Variants in TOMM70 observed in about 807,000 individuals in gnomAD.
TOMM70 encodes mitochondrial import receptor subunit TOM70.
Under a neutral mutation model 73.6 loss-of-function variants are expected in TOMM70, and 13 were observed. The ratio of observed to expected loss-of-function variants is 0.18; its 90% confidence interval spans 0.11 to 0.28. TOMM70 has a LOEUF of 0.28. TOMM70 is among the 10% of genes least tolerant of loss of function. TOMM70 has a pLI of 1.00. For missense variants in TOMM70, 609 were observed against 747.5 expected, an observed-to-expected ratio of 0.81 and a Z score of 2.16; for synonymous variants, 257 against 271.2, an observed-to-expected ratio of 0.95 and a Z score of 0.51.
rs1397987428 is a variant in TOMM70 at position 100,368,139 on chromosome 3, A to T, written c.1578T>A (p.Asp526Glu). 2 of 1,612,150 alleles carry T rather than the reference A, an allele frequency of 1.2e-6. No homozygotes were observed. Among genetic ancestry groups the T allele is most frequent in the Non-Finnish European group, 1.7e-6 (2 of 1,179,506 alleles). The change falls in exon 11 of 12, where the codon GAT becomes GAA. Residue 526 changes from aspartate (D) to glutamate (E), a missense_variant. Around this residue, in one of 2 missense-constraint regions of TOMM70, gnomAD observed 432 missense variants for 584.1 expected, o/e 0.74. Transcript: ENST00000284320. ...TGATAAGTTCCAAACCTCTATCCAG[A>T]TCTTGCTTCCACTGAAGTTGAAGTA... ...KGLLQLQWKQ[D>E]LDRGLELISK...
At chr3:100,368,333 T>C (rs1402262324) in intron 10 of TOMM70, among the ~76,000 whole-genome samples, 167 bp from the exon 11 acceptor site, 1 of 152,178 alleles carries the variant, frequency 6.6e-6, no homozygotes, top group Non-Finnish European at 1.5e-5. Flanking sequence ...TCAGCTTATA[T>C]TGGTTTGCTA....
At position 100,377,812 on chromosome 3, in the gene TOMM70, C is replaced by T; in HGVS notation, c.985G>A (p.Ala329Thr). 3 of 1,614,220 alleles carry T rather than the reference C, an allele frequency of 1.9e-6. No individual in the cohort carries two copies. The highest frequency in any genetic ancestry group is 2.5e-6 in the Non-Finnish European group (3 of 1,180,040). Residue 329 changes from alanine to threonine, a missense_variant, in exon 6 of 12, where the codon GCA becomes ACA. Physicochemically the swap from Ala to Thr is moderately conservative, Grantham distance 58. This residue lies in a region of TOMM70 where 432 missense variants were observed against 584.1 expected (regional missense o/e 0.74). Coordinates refer to ENST00000284320, the MANE Select transcript of TOMM70 (RefSeq NM_014820.5). ...GTAGCTCGTAGTAGCAATGCTTCTGCCATGTATTTGCCTTCAGCATCTATT... is the reference window on the plus strand; with the variant it reads ...GTAGCTCGTAGTAGCAATGCTTCTGTCATGTATTTGCCTTCAGCATCTATT... The part of the protein sequence containing the change: ...KEIDAEGKYM[A>T]EALLLRATFY...
Position 100,374,979 on chromosome 3 carries a change from A to G in TOMM70, c.1227+39T>C, listed in dbSNP as rs1706546490. On this transcript the variant is annotated intron_variant, in intron 7 of 11. Transcript: ENST00000284320. ...TTCTCAAAAATGGTATCAAAGCTCAATCCACAAGTCAGACCTCTAGGTAAG... is the reference window on the plus strand; with the variant it reads ...TTCTCAAAAATGGTATCAAAGCTCAGTCCACAAGTCAGACCTCTAGGTAAG... The G allele has an allele frequency of 3.3e-6, 5 of 1,504,452 alleles. No homozygotes were observed. In the East Asian group the frequency reaches 9.7e-5, roughly 29 times the overall value. The allele number at this position is 1,504,452 out of a possible 1,614,324, so 93.2% of individuals were successfully genotyped here. A position where few individuals can be genotyped will look rare whatever the true frequency, so the allele number is the denominator to read the frequency against.
At chr3:100,390,331 A>T (rs1468249534) in intron 1 of TOMM70, among the ~76,000 whole-genome samples, 2 of 152,230 alleles carry the variant, frequency 1.3e-5, no homozygotes, top group Non-Finnish European at 2.9e-5. Context: ...AAATCCCATT[A>T]TGAAAATGTA....
intron 1 of TOMM70, among the ~76,000 whole-genome samples, chr3:100,388,846 T>C (rs1426915818): frequency 6.6e-6 from 1 of 152,104 alleles, no homozygotes; most frequent in Non-Finnish European, 1.5e-5. Flanking sequence ...ATTCAGCAGA[T>C]TGGCTGTATA....
rs1337010849 is a variant in TOMM70, at chr3:100,363,673, A to C, written c.*1891T>G. 1 of 152,662 alleles carries C rather than the reference A, an allele frequency of 6.6e-6. No individual in the cohort carries two copies. The highest frequency in any genetic ancestry group is 2.4e-5 in the African/African-American group (1 of 41,466). 9.5% of individuals were successfully genotyped at this position (152,662 alleles called of 1,614,324 possible). ...AGATGAAAGAAGGGAGAAGAGTAGA[A>C]GAAAATGTCAGTGTTAATGTAAATA... is the stretch of plus-strand genomic sequence containing the variant. On this transcript the variant is annotated 3_prime_UTR_variant, in exon 12 of 12. Transcript: ENST00000284320.
intron 5 of TOMM70, among the ~76,000 whole-genome samples, chr3:100,380,541 T>G (rs975375934): frequency 6.6e-6 from 1 of 152,174 alleles, no homozygotes; most frequent in Non-Finnish European, 1.5e-5. Flanking sequence ...ATTTAAAACT[T>G]GGGTCCAATT....
In TOMM70 at chr3:100,377,735, T is replaced by A. The variant is rs1706581625; in HGVS notation, c.1062A>T (p.Lys354Asn). The A allele has an allele frequency of 1.2e-6, 2 of 1,613,802 alleles. No homozygotes were observed. The highest frequency in any genetic ancestry group is 1.7e-6 in the Non-Finnish European group (2 of 1,179,718). Residue 354 changes from lysine to asparagine, a missense_variant, in exon 6 of 12, where the codon AAA (lysine) becomes AAT (asparagine). Coordinates refer to ENST00000284320, the MANE Select transcript of TOMM70 (RefSeq NM_014820.5). ...CATTAGCTTCTTTCAAACTGATGACTTTATCTAAATCTGGTTTGGCTGCAT... is the reference window on the plus strand; with the variant it reads ...CATTAGCTTCTTTCAAACTGATGACATTATCTAAATCTGGTTTGGCTGCAT... ...NANAAKPDLD[K>N]VISLKEANVK...
chr3:100,397,830 A>G (rs543587041), intron 1 of TOMM70, among the ~76,000 whole-genome samples: 4 of 152,096 alleles, frequency 2.6e-5, no homozygotes, highest in Non-Finnish European at 5.9e-5. Context: ...CAGAGGTTGC[A>G]GTGAGCCGAG....
chr3:100,375,287 T>C (rs1706550030), intron 6 of TOMM70, 135 bp from the exon 7 acceptor site: 1 of 1,086,414 alleles, frequency 9.2e-7, no homozygotes, highest in Non-Finnish European at 1.3e-6. Flanking sequence ...TCACCTGTTT[T>C]TAGTGTATTC....
intron 9 of TOMM70, among the ~76,000 whole-genome samples, chr3:100,369,498 A>T (rs1227662281): frequency 2.9e-5 from 4 of 137,718 alleles, no homozygotes; most frequent in South Asian, 2.3e-4. Context: ...GCCCAAGGGA[A>T]TTTTTTTTTT....
At chr3:100,375,888 C>A (rs1235182384) in intron 6 of TOMM70, among the ~76,000 whole-genome samples, 2 of 152,012 alleles carry the variant, frequency 1.3e-5, no homozygotes, top group African/African-American at 4.8e-5. Context: ...GGGTATATAC[C>A]TAGGAGTGGA....
At chr3:100,395,061 T>A (rs773404580) in intron 1 of TOMM70, among the ~76,000 whole-genome samples, 2 of 152,184 alleles carry the variant, frequency 1.3e-5, no homozygotes, top group Non-Finnish European at 2.9e-5. Context: ...TTACAAAAAG[T>A]ATGCCCAAAT....
rs138986347 is a variant in TOMM70 at position 100,398,938 on chromosome 3, T to C, written c.324+1688A>G. 2.3e-3 allele frequency among the ~76,000 whole-genome samples: 357 copies of C among 152,320 alleles called. 3 individuals carry two copies. Among genetic ancestry groups the C allele is most frequent in the African/African-American group, 8.2e-3 (343 of 41,576 alleles). On this transcript the variant is annotated intron_variant, in intron 1 of 11. Coordinates refer to ENST00000284320, the MANE Select transcript of TOMM70 (RefSeq NM_014820.5). The stretch of plus-strand genomic sequence containing the variant: ...GCCTCACACACTGCAGATACTAGTT[T>C]GTTCATTCCTACACCAAAACTTCCT...
At chr3:100,393,910 C>A (rs1559835430) in intron 1 of TOMM70, among the ~76,000 whole-genome samples, 1 of 152,148 alleles carries the variant, frequency 6.6e-6, no homozygotes, top group African/African-American at 2.4e-5. Context: ...AAAGGATTAG[C>A]CCACATATAG....
At chr3:100,377,596 A>G (rs1049659580) in intron 6 of TOMM70, 109 bp downstream of exon 6, 1 of 1,014,582 alleles carries the variant, frequency 9.9e-7, no homozygotes. Context: ...AAAAACAAAA[A>G]CAGCCCTTTG....
At chr3:100,372,513 A>C in intron 9 of TOMM70, 93 bp downstream of exon 9, 2 of 1,000,718 alleles carry the variant, frequency 2.0e-6, no homozygotes, top group Non-Finnish European at 1.5e-6. Context: ...CTTCCAAAGA[A>C]GCTGCAACCA....
At chr3:100,381,584 A>G in intron 5 of TOMM70, 31 bp downstream of exon 5, 2 of 1,601,602 alleles carry the variant, frequency 1.2e-6, no homozygotes, top group Middle Eastern at 1.7e-4. Context: ...CCAAAACACC[A>G]CTAAGTAGAC....
Position 100,386,969 on chromosome 3 carries a change from C to G in TOMM70, c.334G>C (p.Asp112His). 6.2e-7 allele frequency: 1 copy of G among 1,613,268 alleles called. No homozygotes were observed. Among genetic ancestry groups the G allele is most frequent in the Non-Finnish European group, 8.5e-7 (1 of 1,179,802 alleles). ...TTATTCTTGGCTGCTTGGGCTCTATCAAGAGAGTTCTGAAATGAGAGGAAA... is the reference window on the plus strand; with the variant it reads ...TTATTCTTGGCTGCTTGGGCTCTATGAAGAGAGTTCTGAAATGAGAGGAAA... ...PGAHLDMNSL[D>H]RAQAAKNKGN... Residue 112 changes from aspartate to histidine, a missense_variant, in exon 2 of 12, where the codon GAT (aspartate) becomes CAT (histidine). Physicochemically the swap from Asp to His is moderately conservative, Grantham distance 81 (BLOSUM62 -1). Coordinates refer to ENST00000284320, the MANE Select transcript of TOMM70 (RefSeq NM_014820.5).
Sources: gnomAD v4.1 joint callset for allele counts (sites outside exome capture counted in the v4.1 genomes callset) on GRCh38, gnomAD v4.1.1 for gene constraint, gnomAD v4.1.1 regional missense constraint, MANE v1.5 for transcripts, NCBI Gene and HGNC (gene_info 2026-07-23, HGNC 2026-07-21) for gene names.